Variants in DCPS observed in about 807,000 individuals in gnomAD.
DCPS encodes the protein m7GpppX diphosphatase.
A neutral mutation model predicts 34.7 loss-of-function variants in DCPS; 27 were observed. The ratio of observed to expected loss-of-function variants is 0.78; its 90% CI spans 0.57 to 1.07. The LOEUF (loss-of-function observed/expected upper bound fraction) is 1.07, where lower values mean the gene tolerates loss of function less well. Among genes scored for constraint, DCPS ranks in the 50% least tolerant of loss-of-function variants. DCPS has a pLI of 0.00. For synonymous variants in DCPS, 185 were observed against 185.7 expected, an observed-to-expected ratio of 1.00 and a Z score of 0.03; for missense variants, 464 against 436.9, an observed-to-expected ratio of 1.06 and a Z score of -0.55.
At position 126,343,317 on chromosome 11, in the gene DCPS, T is replaced by C. The variant is rs761679843; in HGVS notation, c.647T>C (p.Leu216Ser). 7.9e-5 allele frequency: 127 copies of C among 1,613,492 alleles called. No homozygotes were observed. The highest frequency in any genetic ancestry group is 9.9e-5 in the Non-Finnish European group (117 of 1,179,846). The change falls in exon 5 of 6, where the codon TTG (leucine) becomes TCG (serine). Residue 216 changes from leucine (L) to serine (S), a missense_variant. Physicochemically the swap from Leu to Ser is moderately radical, Grantham distance 145 (BLOSUM62 -2). Transcript: ENST00000263579. Reference protein sequence around the residue: ...LKWNQQQLDDLYLIAICHRRG... With the variant: ...LKWNQQQLDDSYLIAICHRRG... Reference sequence around the variant, plus strand: ...TTGCTCTCTACGCAGCTCGATGACTTGTACTTGATCGCCATCTGCCATCGC... The same window carrying C: ...TTGCTCTCTACGCAGCTCGATGACTCGTACTTGATCGCCATCTGCCATCGC...
rs116393841 is a variant in DCPS at position 126,348,963 on chromosome 11, C to T, written c.*3350C>T. Reference sequence around the variant, plus strand: ...AGCTCCAGGAAGCAGAGACTTCTGGCCCTTTGTTCACCATTTCCCCAGAAC... The same window carrying T: ...AGCTCCAGGAAGCAGAGACTTCTGGTCCTTTGTTCACCATTTCCCCAGAAC... On this transcript the variant is annotated 3_prime_UTR_variant, in exon 6 of 6. Coordinates refer to ENST00000263579, the MANE Select transcript of DCPS (RefSeq NM_014026.6). This position sits in a 1 kb window ranked among gnomAD's most constrained non-coding sequence, Gnocchi z 5.3. Among the ~76,000 whole-genome samples the T allele has an allele frequency of 3.8e-3, 576 of 152,290 alleles. 1 individual carries two copies. The highest frequency in any genetic ancestry group is 0.013 in the African/African-American group (556 of 41,554).
At chr11:126,341,079 T>C (rs1022556354) in intron 4 of DCPS, 12 of 152,236 alleles carry the variant, frequency 7.9e-5, no homozygotes, top group Admixed American at 7.9e-4. Context: ...TAAACATATA[T>C]GTACATGTAT....
At chr11:126,311,914 T>C (rs186185936) in intron 2 of DCPS, among the ~76,000 whole-genome samples, 1 of 152,314 alleles carries the variant, frequency 6.6e-6, no homozygotes, top group Admixed American at 6.5e-5. Flanking sequence ...GAAATGAAAC[T>C]TTATTTATTG....
chr11:126,306,097 G>C (rs577038349), intron 1 of DCPS, among the ~76,000 whole-genome samples: 1 of 152,272 alleles, frequency 6.6e-6, no homozygotes, highest in East Asian at 1.9e-4. Context: ...CTCTGGCTGG[G>C]CATGGTGGCT....
Position 126,346,573 on chromosome 11 carries a change from T to C in DCPS, c.*960T>C, listed in dbSNP as rs2135341874. Among the ~76,000 whole-genome samples the C allele has an allele frequency of 6.6e-6, 1 of 152,306 alleles. No homozygotes were observed. The highest frequency in any genetic ancestry group is 2.4e-5 in the African/African-American group (1 of 41,578). On this transcript the variant is annotated 3_prime_UTR_variant, in exon 6 of 6. Coordinates refer to ENST00000263579, the MANE Select transcript of DCPS (RefSeq NM_014026.6). This position sits in a 1 kb window ranked among gnomAD's most constrained non-coding sequence, Gnocchi z 4.1. Reference sequence around the variant, plus strand: ...CACACAAGTAAACACACAGGCTCTCTCCAGCACACAGGACCAAGGCATCAT... The same window carrying C: ...CACACAAGTAAACACACAGGCTCTCCCCAGCACACAGGACCAAGGCATCAT...
intron 2 of DCPS, among the ~76,000 whole-genome samples, chr11:126,330,269 G>T (rs1197020455): frequency 6.6e-6 from 1 of 152,138 alleles, no homozygotes; most frequent in Non-Finnish European, 1.5e-5. Context: ...TCCCAACAGA[G>T]GCCACAGGGA....
chr11:126,330,513 G>A (rs1951774685), intron 2 of DCPS, among the ~76,000 whole-genome samples: 1 of 151,538 alleles, frequency 6.6e-6, no homozygotes, highest in Admixed American at 6.6e-5. Context: ...TGAAGAAGTA[G>A]GGGCACCAAG....
rs915228346 is a variant in DCPS, at chr11:126,322,460, C to T, written c.377-8945C>T. On this transcript the variant is annotated intron_variant, in intron 2 of 5. Coordinates refer to ENST00000263579, the MANE Select transcript of DCPS (RefSeq NM_014026.6). The surrounding 1 kb of genome is among the most constrained non-coding windows in gnomAD (Gnocchi z 4.2). The stretch of plus-strand genomic sequence containing the variant: ...TGTATTTTTAGTAGAGATGGGGTTT[C>T]GCCATGTTGGCCAAGTTGGTCTTGA... 4.3e-4 allele frequency among the ~76,000 whole-genome samples: 65 copies of T among 151,932 alleles called. No individual in the cohort carries two copies. Among genetic ancestry groups the T allele is most frequent in the African/African-American group, 1.5e-3 (63 of 41,350 alleles).
In DCPS at chr11:126,332,723, G is replaced by A. The variant is rs951676544; in HGVS notation, c.522+1173G>A. Among the ~76,000 whole-genome samples the A allele has an allele frequency of 3.3e-5, 5 of 152,206 alleles. No homozygotes were observed. Among genetic ancestry groups the A allele is most frequent in the Non-Finnish European group, 7.3e-5 (5 of 68,038 alleles). ...GCCTGGTTCAGCCCTGGTCTCCCTG[G>A]GCAGCAGTTTGCGTGGGGTGCATCT... On this transcript the variant is annotated intron_variant, in intron 3 of 5. Coordinates refer to ENST00000263579, the MANE Select transcript of DCPS (RefSeq NM_014026.6). The surrounding 1 kb of genome is among the most constrained non-coding windows in gnomAD (Gnocchi z 5.4).
In DCPS at chr11:126,328,700, G is replaced by A. The variant is rs941098798; in HGVS notation, c.377-2705G>A. 1.1e-4 allele frequency among the ~76,000 whole-genome samples: 17 copies of A among 152,138 alleles called. No individual in the cohort carries two copies. The highest frequency in any genetic ancestry group is 2.9e-4 in the African/African-American group (12 of 41,436). On this transcript the variant is annotated intron_variant, in intron 2 of 5. Transcript: ENST00000263579. The surrounding 1 kb of genome is among the most constrained non-coding windows in gnomAD (Gnocchi z 6.6). ...CCGCAGAACCCGGCTGCTCTCCAGC[G>A]CCCGCTCTGCCTCTGTGCCCTGCCC...
In DCPS at chr11:126,321,086, C is replaced by A. The variant is rs3781773; in HGVS notation, c.377-10319C>A. Among the ~76,000 whole-genome samples, 174 of 151,790 alleles carry A rather than the reference C, an allele frequency of 1.1e-3. 3 individuals carry two copies. Among genetic ancestry groups the A allele is most frequent in the East Asian group, 9.7e-3 (50 of 5,144 alleles). On this transcript the variant is annotated intron_variant, in intron 2 of 5. Transcript: ENST00000263579. ...CCTGGGCAACATGGGGAAACCCTGT[C>A]TCTACAAAAAATACAAAAATTAGCC...
In DCPS at chr11:126,349,079, C is replaced by A. The variant is rs1415758633; in HGVS notation, c.*3466C>A. Among the ~76,000 whole-genome samples, 3 of 152,138 alleles carry A rather than the reference C, an allele frequency of 2.0e-5. No homozygotes were observed. The highest frequency in any genetic ancestry group is 4.4e-5 in the Non-Finnish European group (3 of 68,040). On this transcript the variant is annotated 3_prime_UTR_variant, in exon 6 of 6. Coordinates refer to ENST00000263579, the MANE Select transcript of DCPS (RefSeq NM_014026.6). This position sits in a 1 kb window ranked among gnomAD's most constrained non-coding sequence, Gnocchi z 5.4. The stretch of plus-strand genomic sequence containing the variant: ...TCTGAATGAGGCCTCCTGGATCTCA[C>A]GCAGGGGATGGAGAGTAAGGACCAG...
chr11:126,325,992 C>A lies in DCPS; in HGVS notation c.377-5413C>A, dbSNP rs1951736252. 6.6e-6 allele frequency among the ~76,000 whole-genome samples: 1 copy of A among 152,146 alleles called. No homozygotes were observed. The highest frequency in any genetic ancestry group is 2.4e-5 in the African/African-American group (1 of 41,430). ...TATTAGCCAGGCGTGGTGGCGTGGGCCTGTAATCCTAGCTACTGGGGACGC... is the reference window on the plus strand; with the variant it reads ...TATTAGCCAGGCGTGGTGGCGTGGGACTGTAATCCTAGCTACTGGGGACGC... On this transcript the variant is annotated intron_variant, in intron 2 of 5. Coordinates refer to ENST00000263579, the MANE Select transcript of DCPS (RefSeq NM_014026.6). This position sits in a 1 kb window ranked among gnomAD's most constrained non-coding sequence, Gnocchi z 4.3.
rs944875476 is a variant in DCPS, at chr11:126,338,273, C to G, written c.523-13C>G. 1 of 1,612,936 alleles carries G rather than the reference C, an allele frequency of 6.2e-7. No homozygotes were observed. ...AGTGGATTTGTGAACCATCTCTCTC[C>G]CCCTCCTTTCAGTGGGTGTATAACA... On this transcript the variant is annotated splice_polypyrimidine_tract_variant and intron_variant, in intron 3 of 5. Transcript: ENST00000263579. This position sits in a 1 kb window ranked among gnomAD's most constrained non-coding sequence, Gnocchi z 5.4.
At position 126,347,838 on chromosome 11, in the gene DCPS, T is replaced by C. The variant is rs1951951004; in HGVS notation, c.*2225T>C. 6.6e-6 allele frequency among the ~76,000 whole-genome samples: 1 copy of C among 152,158 alleles called. No individual in the cohort carries two copies. The highest frequency in any genetic ancestry group is 1.5e-5 in the Non-Finnish European group (1 of 68,036). On this transcript the variant is annotated 3_prime_UTR_variant, in exon 6 of 6. Coordinates refer to ENST00000263579, the MANE Select transcript of DCPS (RefSeq NM_014026.6). The surrounding 1 kb of genome is among the most constrained non-coding windows in gnomAD (Gnocchi z 4.2). ...GGAAAGAAGTGACCCGCTTCCCCTC[T>C]GAAAGCAGATGTGGTCCCAACAAGC...
chr11:126,308,610 G>A (rs980779173), intron 2 of DCPS, among the ~76,000 whole-genome samples: 1 of 152,220 alleles, frequency 6.6e-6, no homozygotes, highest in African/African-American at 2.4e-5. Context: ...GGCGGCAGAA[G>A]AATGACAGAA....
In DCPS at chr11:126,323,101, A is replaced by C. The variant is rs1363839946; in HGVS notation, c.377-8304A>C. On this transcript the variant is annotated intron_variant, in intron 2 of 5. Coordinates refer to ENST00000263579, the MANE Select transcript of DCPS (RefSeq NM_014026.6). The surrounding 1 kb of genome is among the most constrained non-coding windows in gnomAD (Gnocchi z 4.4). ...TGTTTCAGCCTCCCAAAGTGTTGGG[A>C]TTACAGGCATGAGCCACCACACCCA... Among the ~76,000 whole-genome samples, 1 of 152,132 alleles carries C rather than the reference A, an allele frequency of 6.6e-6. No homozygotes were observed. Among genetic ancestry groups the C allele is most frequent in the Non-Finnish European group, 1.5e-5 (1 of 68,016 alleles).
intron 2 of DCPS, among the ~76,000 whole-genome samples, chr11:126,309,024 CTT>C (rs543850318): frequency 0.12 from 16,513 of 138,316 alleles, 1,003 homozygotes; most frequent in African/African-American, 0.14. Context: ...TTTCCTGCCC[CTT>C]TTTTTTTTTT....
chr11:126,346,411 C>T lies in DCPS; in HGVS notation c.*798C>T, dbSNP rs184148272. Among the ~76,000 whole-genome samples, 3 of 152,202 alleles carry T rather than the reference C, an allele frequency of 2.0e-5. No homozygotes were observed. The highest frequency in any genetic ancestry group is 1.9e-4 in the East Asian group (1 of 5,196). ...TGAATACAAAAGCCCGGAGGCGGCT[C>T]GGGTTCAAGGCCTATCAGAGGCAGA... On this transcript the variant is annotated 3_prime_UTR_variant, in exon 6 of 6. Coordinates refer to ENST00000263579, the MANE Select transcript of DCPS (RefSeq NM_014026.6). This position sits in a 1 kb window ranked among gnomAD's most constrained non-coding sequence, Gnocchi z 4.1.
Sources: gnomAD v4.1 joint callset for allele counts (sites outside exome capture counted in the v4.1 genomes callset) on GRCh38, gnomAD v4.1.1 for gene constraint, Gnocchi (gnomAD v3.1) non-coding constraint, MANE v1.5 for transcripts, NCBI Gene and HGNC (gene_info 2026-07-23, HGNC 2026-07-21) for gene names.